The following NADSYN1 variants were observed in gnomAD, a reference collection of about 807,000 sequenced individuals.
NADSYN1 encodes glutamine-dependent NAD(+) synthetase.
In NADSYN1, 80 loss-of-function variants were observed where a neutral mutation model predicts 99.3. The observed-to-expected ratio is 0.81, with a 90% CI of 0.67 to 0.97. The LOEUF (loss-of-function observed/expected upper bound fraction) is 0.97, where lower values mean the gene tolerates loss of function less well. Among genes scored for constraint, NADSYN1 ranks in the 50% least tolerant of loss-of-function variants. The pLI is 0.00. For synonymous variants in NADSYN1, 385 were observed against 372.1 expected (o/e 1.03, Z -0.40); for missense variants, 859 against 948.5 (o/e 0.91, Z 1.24).
At chr11:71,496,177 G>A (rs745827243) in intron 18 of NADSYN1, among the ~76,000 whole-genome samples, 9 of 152,154 alleles carry the variant, frequency 5.9e-5, no homozygotes, top group Non-Finnish European at 1.2e-4. Flanking sequence ...ACCCAGTGGC[G>A]TAAAACAACA....
At chr11:71,474,801 G>A (rs1949654001) in intron 9 of NADSYN1, 1 of 435,320 alleles carries the variant, frequency 2.3e-6, no homozygotes, top group Non-Finnish European at 4.3e-6. Context: ...CGCCTGCTCT[G>A]ATGGCCTCAA....
In NADSYN1 at chr11:71,473,452, G is replaced by C. The variant is rs2276358; in HGVS notation, c.548+86G>C. On this transcript the variant is annotated intron_variant, in intron 7 of 20. Transcript: ENST00000319023. ...CTGGGACTGCAGACGTCCTGGGGCC[G>C]TGGCCGTGGCCGTGGCCGTGGGCTG... The C allele has an allele frequency of 1.6e-5, 24 of 1,501,852 alleles. 1 individual carries two copies. The South Asian group carries it at 2.7e-4, about 17-fold the overall frequency. 93.0% of individuals were successfully genotyped at this position (1,501,852 alleles called of 1,614,324 possible). A position where few individuals can be genotyped will look rare whatever the true frequency, so the allele number is the denominator to read the frequency against.
Position 71,482,518 on chromosome 11 carries a change from G to GC in NADSYN1, c.1151-331_1151-330insC, listed in dbSNP as rs567599664. Among the ~76,000 whole-genome samples the GC allele has an allele frequency of 3.2e-3, 490 of 151,086 alleles. 1 individual carries two copies. Among genetic ancestry groups the GC allele is most frequent in the African/African-American group, 0.011 (472 of 41,108 alleles). On this transcript the variant is annotated intron_variant, in intron 13 of 20. Coordinates refer to ENST00000319023, the MANE Select transcript of NADSYN1 (RefSeq NM_018161.5). Reference sequence around the variant, plus strand: ...GGTGCAGCCGCACAGGCACCTGGGGGTGTAGACCGGGGTGGAGCCGCATGG... The same window carrying GC: ...GGTGCAGCCGCACAGGCACCTGGGGGCTGTAGACCGGGGTGGAGCCGCATGG...
intron 5 of NADSYN1, among the ~76,000 whole-genome samples, chr11:71,468,422 A>G (rs1339142598): frequency 6.6e-6 from 1 of 152,264 alleles, no homozygotes; most frequent in Non-Finnish European, 1.5e-5. Context: ...GAGGGTAAAG[A>G]TAAAGATACT....
chr11:71,463,700 G>A (rs946678575), intron 4 of NADSYN1, among the ~76,000 whole-genome samples: 27 of 152,108 alleles, frequency 1.8e-4, no homozygotes, highest in Non-Finnish European at 1.8e-4. Context: ...GGCATCATCA[G>A]GTATCAGAAG....
intron 5 of NADSYN1, among the ~76,000 whole-genome samples, chr11:71,469,215 T>C (rs1315410438): frequency 6.6e-6 from 1 of 152,154 alleles, no homozygotes; most frequent in Non-Finnish European, 1.5e-5. Flanking sequence ...CCCAGCACTT[T>C]GGGAGGCCAA....
At chr11:71,471,074 GT>G (rs1351060750) in intron 5 of NADSYN1, among the ~76,000 whole-genome samples, 1 of 152,146 alleles carries the variant, frequency 6.6e-6, no homozygotes, top group African/African-American at 2.4e-5. Context: ...AATTTTATCA[GT>G]TGATGTTGTC....
chr11:71,472,893 C>G (rs1360546333), intron 6 of NADSYN1, among the ~76,000 whole-genome samples: 1 of 152,270 alleles, frequency 6.6e-6, no homozygotes, highest in Non-Finnish European at 1.5e-5. Context: ...GGTGTCCCCT[C>G]TCAGCCACTG....
chr11:71,482,570 C>G (rs1396248952), intron 13 of NADSYN1, among the ~76,000 whole-genome samples: 3 of 134,932 alleles, frequency 2.2e-5, no homozygotes, highest in African/African-American at 8.6e-5. Context: ...GACTGGGGTG[C>G]AGCTGCATGG....
intron 9 of NADSYN1, chr11:71,474,834 G>A (rs745744412): frequency 2.6e-6 from 1 of 391,086 alleles, no homozygotes; most frequent in East Asian, 6.1e-5. Flanking sequence ...GGTGAGGGGG[G>A]ACCTCCCGCC....
intron 16 of NADSYN1, 92 bp downstream of exon 16, chr11:71,485,740 T>G: frequency 1.0e-6 from 1 of 973,412 alleles, no homozygotes. Context: ...ATCCTGTGCC[T>G]TTCATGGCGG....
chr11:71,484,465 G>T lies in NADSYN1; in HGVS notation c.1455+18G>T, dbSNP rs186142489. 1.9e-6 allele frequency: 3 copies of T among 1,605,966 alleles called. No homozygotes were observed. The highest frequency in any genetic ancestry group is 2.7e-5 in the African/African-American group (2 of 74,730). On this transcript the variant is annotated intron_variant, in intron 15 of 20. Coordinates refer to ENST00000319023, the MANE Select transcript of NADSYN1 (RefSeq NM_018161.5). Reference sequence around the variant, plus strand: ...ATGTGCAGGTGCCCCCGCCTGGGCCGGCGTCCCCTGGGGGTGGGGGTGCAG... The same window carrying T: ...ATGTGCAGGTGCCCCCGCCTGGGCCTGCGTCCCCTGGGGGTGGGGGTGCAG...
At chr11:71,480,100 T>C (rs1949695693) in intron 10 of NADSYN1, 1 of 152,322 alleles carries the variant, frequency 6.6e-6, no homozygotes, top group South Asian at 2.1e-4. Context: ...CTCTTGGGTG[T>C]GTCTATCCAG....
chr11:71,485,846 C>T (rs1309292899), intron 16 of NADSYN1, among the ~76,000 whole-genome samples, 198 bp downstream of exon 16: 1 of 152,174 alleles, frequency 6.6e-6, no homozygotes, highest in East Asian at 1.9e-4. Context: ...GCTCTGGGCG[C>T]TCACCACTTT....
chr11:71,465,807 T>G (rs1949584692), intron 5 of NADSYN1, among the ~76,000 whole-genome samples: 1 of 152,248 alleles, frequency 6.6e-6, no homozygotes, highest in Non-Finnish European at 1.5e-5. Context: ...GAAAACTTGA[T>G]TTTTATGTTG....
chr11:71,497,165 A>G, intron 18 of NADSYN1: 1 of 347,034 alleles, frequency 2.9e-6, no homozygotes, highest in South Asian at 2.9e-5. Flanking sequence ...AGTGTGAGCC[A>G]CTATGCCCAG....
chr11:71,463,544 G>C lies in NADSYN1; in HGVS notation c.317+59G>C, dbSNP rs562113177. 1.2e-5 allele frequency: 18 copies of C among 1,510,428 alleles called. No individual in the cohort carries two copies. The East Asian group carries it at 3.9e-4, about 33-fold the overall frequency. The allele number at this position is 1,510,428 out of a possible 1,614,324, so 93.6% of individuals were successfully genotyped here. On this transcript the variant is annotated intron_variant, in intron 4 of 20. Coordinates refer to ENST00000319023, the MANE Select transcript of NADSYN1 (RefSeq NM_018161.5). ...TGGGGCCTCTCCCTGGCTCTCAGCT[G>C]AGGGCTGCCAGGACCCGTGCTGGTG...
intron 6 of NADSYN1, 118 bp from the exon 7 acceptor site, chr11:71,473,160 G>A (rs955850452): frequency 2.1e-5 from 21 of 977,828 alleles, no homozygotes; most frequent in South Asian, 5.7e-5. Flanking sequence ...CGGAATGTGC[G>A]AGAGCCCAGA....
intron 9 of NADSYN1, 57 bp from the exon 10 acceptor site, chr11:71,478,338 A>G: frequency 1.4e-6 from 2 of 1,424,354 alleles, no homozygotes; most frequent in Non-Finnish European, 1.9e-6. Context: ...GCCAAATTAC[A>G]CGTGGGAGTT....
Sources: allele counts gnomAD v4.1 joint callset (sites outside exome capture counted in the v4.1 genomes callset), GRCh38; gene constraint gnomAD v4.1.1; transcripts MANE v1.5; gene names NCBI Gene and HGNC (gene_info 2026-07-23, HGNC 2026-07-21).